Variants in HOXB3 observed in about 807,000 individuals in gnomAD.
HOXB3 encodes the protein homeobox B3.
Under a neutral mutation model 29.2 loss-of-function variants are expected in HOXB3, and 17 were observed. That is an observed-to-expected ratio of 0.58 (90% CI 0.40 to 0.87). HOXB3 has a LOEUF of 0.87. Ranked by LOEUF, HOXB3 falls within the 40% of genes least tolerant of loss-of-function variation. HOXB3 has a pLI of 0.00. For synonymous variants in HOXB3, 317 were observed against 285.9 expected, an observed-to-expected ratio of 1.11 and a Z score of -1.10; for missense variants, 637 against 616.3, an observed-to-expected ratio of 1.03 and a Z score of -0.35.
rs1415578783 is a variant in HOXB3, at chr17:48,577,755, G to A, written c.-424-3741C>T. On this transcript the variant is annotated intron_variant, in intron 1 of 4. Coordinates refer to ENST00000498678, the MANE Select transcript of HOXB3 (RefSeq NM_001384749.1). ...TCTCCGGCAATGGCGAGTTTATAGC[G>A]GGGACAATTGGCTTCCCCAGCTCAA... The A allele has an allele frequency of 8.1e-6, 8 of 991,200 alleles. No homozygotes were observed. The East Asian group carries it at 2.3e-4, about 28-fold the overall frequency. 61.4% of individuals were successfully genotyped at this position (991,200 alleles called of 1,614,324 possible).
intron 1 of HOXB3, among the ~76,000 whole-genome samples, chr17:48,587,930 G>T (rs979206691): frequency 1.3e-5 from 2 of 152,264 alleles, no homozygotes; most frequent in Non-Finnish European, 1.5e-5. Context: ...CCTGCCCCAG[G>T]TTGAAGATTT....
chr17:48,556,383 CTTT>C (rs1448235757), intron 2 of HOXB3: 1 of 151,916 alleles, frequency 6.6e-6, no homozygotes, highest in Non-Finnish European at 1.5e-5. Flanking sequence ...AACACCAGGA[CTTT>C]TTTAGAAAGT....
intron 1 of HOXB3, among the ~76,000 whole-genome samples, chr17:48,583,079 A>G (rs921050794): frequency 1.3e-5 from 2 of 152,176 alleles, no homozygotes; most frequent in Non-Finnish European, 2.9e-5. Context: ...CCCAAGTGTC[A>G]GAGATATCCT....
At chr17:48,563,495 G>T (rs2069272426) in intron 2 of HOXB3, among the ~76,000 whole-genome samples, 1 of 152,214 alleles carries the variant, frequency 6.6e-6, no homozygotes, top group African/African-American at 2.4e-5. Context: ...ACATGTGCCT[G>T]CTTACATGCT....
intron 2 of HOXB3, among the ~76,000 whole-genome samples, chr17:48,566,559 G>A (rs770961262): frequency 2.0e-5 from 3 of 152,020 alleles, no homozygotes; most frequent in Non-Finnish European, 1.5e-5. Context: ...GGTTGGGGAG[G>A]AGGAGTTGCA....
At position 48,552,571 on chromosome 17, in the gene HOXB3, A is replaced by ACCC. The variant is rs59742556; in HGVS notation, c.-100_-98dup. On this transcript the variant is annotated 5_prime_UTR_variant, in exon 4 of 5. Transcript: ENST00000498678. Reference sequence around the variant, plus strand: ...CCCTGGGGGTCACGTGACACGCCGGACCCCCCCCCCCCACCTCCCCTCTCT... The same window carrying ACCC: ...CCCTGGGGGTCACGTGACACGCCGGACCCCCCCCCCCCCCCACCTCCCCTCTCT... 292 of 530,988 alleles carry ACCC rather than the reference A, an allele frequency of 5.5e-4. 2 individuals are homozygous for ACCC. Among genetic ancestry groups the ACCC allele is most frequent in the Middle Eastern group, 2.0e-3 (4 of 2,012 alleles). The allele number at this position is 530,988 out of a possible 1,614,324, so 32.9% of individuals were successfully genotyped here.
chr17:48,579,931 C>T (rs1357634062), intron 1 of HOXB3: 1 of 518,632 alleles, frequency 1.9e-6, no homozygotes, highest in Admixed American at 2.1e-5. Flanking sequence ...AGGGTATATA[C>T]AGAAGACAGA....
chr17:48,557,506 T>C (rs2069034393), intron 2 of HOXB3: 1 of 152,282 alleles, frequency 6.6e-6, no homozygotes. Flanking sequence ...CCCCTACTTC[T>C]TCCAGGCAAG....
chr17:48,578,202 C>A, intron 1 of HOXB3: 2 of 1,613,600 alleles, frequency 1.2e-6, no homozygotes, highest in Non-Finnish European at 1.7e-6. Context: ...CTCTGGCCGC[C>A]GGCGTAGTAC....
In HOXB3 at chr17:48,550,536, G is replaced by A; in HGVS notation, c.1094C>T (p.Pro365Leu). 1.3e-6 allele frequency: 2 copies of A among 1,542,260 alleles called. No individual in the cohort carries two copies. The highest frequency in any genetic ancestry group is 8.7e-7 in the Non-Finnish European group (1 of 1,155,352). ...GAGGCCATAGAGGGAGGGGCCGGCA[G>A]GGGGCGGCAGCGGATCCGCGTAGCC... ...GGGYADPLPP[P>L]AGPSLYGLNH... The change falls in exon 5 of 5, where the codon CCT becomes CTT. Residue 365 changes from proline (P) to leucine (L), a missense_variant. Pro to Leu is a moderately conservative substitution (Grantham distance 98). Coordinates refer to ENST00000498678, the MANE Select transcript of HOXB3 (RefSeq NM_001384749.1).
At chr17:48,555,795 G>C (rs1263107607) in intron 2 of HOXB3, among the ~76,000 whole-genome samples, 177 bp from the exon 3 acceptor site, 2 of 152,094 alleles carry the variant, frequency 1.3e-5, no homozygotes, top group Non-Finnish European at 2.9e-5. Flanking sequence ...AGGAGGGAGG[G>C]GGTGGGGGAG....
At chr17:48,572,464 T>C (rs1260957621) in intron 2 of HOXB3, among the ~76,000 whole-genome samples, 3 of 152,200 alleles carry the variant, frequency 2.0e-5, no homozygotes, top group Non-Finnish European at 2.9e-5. Context: ...CAGGAGTTTA[T>C]TCCCCTGGCC....
At chr17:48,585,976 C>T (rs545073089) in intron 1 of HOXB3, among the ~76,000 whole-genome samples, 1 of 152,286 alleles carries the variant, frequency 6.6e-6, no homozygotes, top group South Asian at 2.1e-4. Context: ...GCATTCAGCC[C>T]TACCCCACCG....
chr17:48,580,166 C>T, intron 1 of HOXB3: 2 of 249,170 alleles, frequency 8.0e-6, no homozygotes, highest in South Asian at 7.8e-5. Flanking sequence ...AACCTTGCCT[C>T]CGCCGCCGCC....
intron 2 of HOXB3, among the ~76,000 whole-genome samples, chr17:48,557,547 C>T (rs1030892829): frequency 6.6e-6 from 1 of 152,286 alleles, no homozygotes; most frequent in Middle Eastern, 3.4e-3. Flanking sequence ...TTGGAGCAGC[C>T]GGTTTCCAGG....
chr17:48,585,689 CCTT>C (rs1016503910), intron 1 of HOXB3, among the ~76,000 whole-genome samples: 5 of 152,306 alleles, frequency 3.3e-5, no homozygotes, highest in African/African-American at 9.6e-5. Context: ...CTTTCTCCCT[CCTT>C]GGGATCCCTT....
rs924127486 is a variant in HOXB3 at position 48,549,366 on chromosome 17, T to A, written c.*968A>T. The stretch of plus-strand genomic sequence containing the variant: ...TCTCTCACAGTTGTTTTTACATCCA[T>A]TAAAATGTAAATTCTAAGTGCAACA... On this transcript the variant is annotated 3_prime_UTR_variant, in exon 5 of 5. Coordinates refer to ENST00000498678, the MANE Select transcript of HOXB3 (RefSeq NM_001384749.1). 6.6e-6 allele frequency: 1 copy of A among 152,596 alleles called. No homozygotes were observed. The highest frequency in any genetic ancestry group is 2.4e-5 in the African/African-American group (1 of 41,432). The allele number at this position is 152,596 out of a possible 1,614,324, so 9.5% of individuals were successfully genotyped here.
At chr17:48,555,793 G>C (rs2068964442) in intron 2 of HOXB3, among the ~76,000 whole-genome samples, 175 bp from the exon 3 acceptor site, 1 of 152,094 alleles carries the variant, frequency 6.6e-6, no homozygotes, top group Admixed American at 6.5e-5. Context: ...GCAGGAGGGA[G>C]GGGGTGGGGG....
intron 2 of HOXB3, among the ~76,000 whole-genome samples, chr17:48,565,090 C>T (rs2069347076): frequency 1.3e-5 from 2 of 151,908 alleles, no homozygotes; most frequent in South Asian, 2.1e-4. Flanking sequence ...TTCCCCAGGT[C>T]CCTAGAGAAA....
Sources: gnomAD v4.1 joint callset for allele counts (sites outside exome capture counted in the v4.1 genomes callset) on GRCh38, gnomAD v4.1.1 for gene constraint, MANE v1.5 for transcripts, NCBI Gene and HGNC (gene_info 2026-07-23, HGNC 2026-07-21) for gene names.